Variants in KCNMB2 observed in about 807,000 individuals in gnomAD.
The protein encoded by KCNMB2 is potassium calcium-activated channel subfamily M regulatory beta subunit 2.
Under a neutral mutation model 24.5 loss-of-function variants are expected in KCNMB2, and 9 were observed. The ratio of observed to expected loss-of-function variants is 0.37; its 90% CI spans 0.22 to 0.64. The LOEUF is 0.64. Among genes scored for constraint, KCNMB2 ranks in the 30% least tolerant of loss-of-function variants. The pLI is 0.63. For missense variants in KCNMB2, 226 were observed against 284.3 expected, an observed-to-expected ratio of 0.79 and a Z score of 1.47; for synonymous variants, 109 against 104.4, an observed-to-expected ratio of 1.04 and a Z score of -0.27.
intron 1 of KCNMB2, among the ~76,000 whole-genome samples, chr3:178,553,697 A>G (rs1716032523): frequency 6.6e-6 from 1 of 151,888 alleles, no homozygotes; most frequent in Admixed American, 6.6e-5. Flanking sequence ...ATGCTATCAC[A>G]CCCAGATAAT....
intron 1 of KCNMB2, among the ~76,000 whole-genome samples, chr3:178,716,944 T>C (rs1577121237): frequency 1.3e-5 from 2 of 152,116 alleles, no homozygotes; most frequent in South Asian, 4.1e-4. Context: ...AGAGTCAGTC[T>C]TTAGGCATTG....
chr3:178,715,811 C>T (rs998683488), intron 1 of KCNMB2, among the ~76,000 whole-genome samples: 5 of 152,152 alleles, frequency 3.3e-5, no homozygotes, highest in Admixed American at 2.0e-4. Context: ...GCTTAGTGAG[C>T]TTCCCTTTCA....
intron 1 of KCNMB2, among the ~76,000 whole-genome samples, chr3:178,616,702 C>T (rs911918583): frequency 1.1e-4 from 17 of 152,092 alleles, no homozygotes; most frequent in Non-Finnish European, 2.5e-4. Context: ...ACTTGGTGTC[C>T]TTGTCGGAGG....
intron 1 of KCNMB2, among the ~76,000 whole-genome samples, chr3:178,778,462 A>ACG (rs1437410515): frequency 0.016 from 1,023 of 63,568 alleles, 24 homozygotes; most frequent in Middle Eastern, 0.037. Context: ...TAAGACACAC[A>ACG]CACACACACA....
At chr3:178,588,474 A>G (rs998031765) in intron 1 of KCNMB2, among the ~76,000 whole-genome samples, 1 of 152,150 alleles carries the variant, frequency 6.6e-6, no homozygotes, top group Non-Finnish European at 1.5e-5. Flanking sequence ...TGTCGTGTCT[A>G]TATATTCCTC....
chr3:178,668,976 A>G (rs765632620), intron 1 of KCNMB2, among the ~76,000 whole-genome samples: 5 of 152,308 alleles, frequency 3.3e-5, no homozygotes, highest in African/African-American at 9.6e-5. Context: ...CATCCAATTC[A>G]TAAAAAGATA....
chr3:178,571,212 AT>A (rs548465105), intron 1 of KCNMB2, among the ~76,000 whole-genome samples: 41 of 148,034 alleles, frequency 2.8e-4, no homozygotes, highest in African/African-American at 2.5e-4. Context: ...GTCTTTTGTG[AT>A]TTTTTTTTTA....
chr3:178,551,897 C>A (rs903562282), intron 1 of KCNMB2, among the ~76,000 whole-genome samples: 1 of 152,182 alleles, frequency 6.6e-6, no homozygotes, highest in African/African-American at 2.4e-5. Context: ...CCATTTGACA[C>A]CTGCTGGCCA....
intron 3 of KCNMB2, among the ~76,000 whole-genome samples, chr3:178,827,881 T>C (rs185992918): frequency 2.0e-4 from 30 of 152,330 alleles, no homozygotes; most frequent in African/African-American, 6.7e-4. Context: ...TTTTAAAGTA[T>C]GCCTCATGTT....
Position 178,758,345 on chromosome 3 carries a change from GATATATATAT to G in KCNMB2, c.-67-48981_-67-48972del, listed in dbSNP as rs1214797017. ...ATATATATATATATCTCCAAGAGGG[GATATATATAT>G]ATATATATATATATATCTCCAAGAG... is the stretch of plus-strand genomic sequence containing the variant. On this transcript the variant is annotated intron_variant, in intron 1 of 4. Transcript: ENST00000452583. Among the ~76,000 whole-genome samples, 4 of 8,678 alleles carry G rather than the reference GATATATATAT, an allele frequency of 4.6e-4. No individual in the cohort carries two copies. In the East Asian group the frequency reaches 9.0e-3, roughly 19 times the overall value. 5.7% of individuals were successfully genotyped at this position (8,678 alleles called of 152,430 possible).
At chr3:178,714,901 T>G (rs1171690979) in intron 1 of KCNMB2, among the ~76,000 whole-genome samples, 1 of 152,194 alleles carries the variant, frequency 6.6e-6, no homozygotes, top group Non-Finnish European at 1.5e-5. Flanking sequence ...GACTTCTGTT[T>G]AGAAAAAACA....
At chr3:178,812,412 G>T in intron 2 of KCNMB2, among the ~76,000 whole-genome samples, 1 of 116,684 alleles carries the variant, frequency 8.6e-6, no homozygotes, top group Admixed American at 1.2e-4. Context: ...AACAGTCCCT[G>T]GTGTGTGATG....
At chr3:178,727,127 C>A (rs1324801986) in intron 1 of KCNMB2, among the ~76,000 whole-genome samples, 1 of 152,044 alleles carries the variant, frequency 6.6e-6, no homozygotes, top group Non-Finnish European at 1.5e-5. Context: ...AGGAAATAGC[C>A]ATATACCCTT....
intron 1 of KCNMB2, among the ~76,000 whole-genome samples, chr3:178,720,286 C>T (rs1182287126): frequency 6.7e-6 from 1 of 149,400 alleles, no homozygotes; most frequent in African/African-American, 2.5e-5. Context: ...CAATTTCATC[C>T]ATGTCCCTAC....
At chr3:178,566,687 CTTACT>C (rs1170688146) in intron 1 of KCNMB2, among the ~76,000 whole-genome samples, 1 of 152,036 alleles carries the variant, frequency 6.6e-6, no homozygotes, top group Non-Finnish European at 1.5e-5. Flanking sequence ...AAAACTATCC[CTTACT>C]TTAAATTTAG....
At chr3:178,573,583 TA>T (rs71647211) in intron 1 of KCNMB2, among the ~76,000 whole-genome samples, 5,000 of 124,646 alleles carry the variant, frequency 0.04, 146 homozygotes, top group South Asian at 0.13. Context: ...CTACAAAACA[TA>T]AAAAAAAAAA....
chr3:178,551,162 G>A (rs555147481), intron 1 of KCNMB2, among the ~76,000 whole-genome samples: 77 of 152,254 alleles, frequency 5.1e-4, no homozygotes, highest in African/African-American at 1.6e-3. Flanking sequence ...ACAAAGGGCC[G>A]GTGAGGATGA....
intron 1 of KCNMB2, among the ~76,000 whole-genome samples, chr3:178,714,374 G>A (rs185410519): frequency 6.6e-6 from 1 of 152,304 alleles, no homozygotes; most frequent in Admixed American, 6.5e-5. Context: ...CTGGACTCAT[G>A]AGGAGGGACA....
intron 1 of KCNMB2, among the ~76,000 whole-genome samples, chr3:178,655,414 T>A (rs1047312726): frequency 2.1e-4 from 32 of 152,016 alleles, no homozygotes; most frequent in South Asian, 1.7e-3. Context: ...CTATAAGAAG[T>A]AGATAAAGGA....
Sources: allele counts gnomAD v4.1 joint callset (sites outside exome capture counted in the v4.1 genomes callset), GRCh38; gene constraint gnomAD v4.1.1; transcripts MANE v1.5; gene names NCBI Gene and HGNC (gene_info 2026-07-23, HGNC 2026-07-21).